TMEM260: variants seen among roughly 807,000 people sequenced by gnomAD.
TMEM260 encodes the protein transmembrane protein 260, also known as protein O-mannosyl-transferase TMEM260.
Under a neutral mutation model 88.9 loss-of-function variants are expected in TMEM260, and 82 were observed. That is an observed-to-expected ratio of 0.92 (90% CI 0.77 to 1.11). The LOEUF (loss-of-function observed/expected upper bound fraction) is 1.11, where lower values mean the gene tolerates loss of function less well. TMEM260 is among the 50% of genes least tolerant of loss of function. TMEM260 has a pLI of 0.00. For missense variants in TMEM260, 902 were observed against 853.4 expected (o/e 1.06, Z -0.71); for synonymous variants, 314 against 309.3 (o/e 1.02, Z -0.16).
the TMEM260 span, among the ~76,000 whole-genome samples, chr14:56,656,224 C>T: frequency 6.6e-6 from 1 of 152,020 alleles, no homozygotes; most frequent in African/African-American, 2.4e-5. Context: ...TGAGACCAGC[C>T]TGGGCAACAC....
intron 12 of TMEM260, among the ~76,000 whole-genome samples, chr14:56,628,762 G>A (rs1888394270): frequency 2.0e-5 from 3 of 151,816 alleles, no homozygotes; most frequent in Admixed American, 2.0e-4. Flanking sequence ...GCATATATTT[G>A]AGTCTTATTT....
intron 12 of TMEM260, among the ~76,000 whole-genome samples, chr14:56,631,781 C>T (rs1023201662): frequency 6.6e-6 from 1 of 152,198 alleles, no homozygotes; most frequent in Non-Finnish European, 1.5e-5. Context: ...ACTCATTCAA[C>T]TCCTGAGATC....
chr14:56,639,226 A>G (rs1011537071), intron 15 of TMEM260, among the ~76,000 whole-genome samples: 2 of 152,162 alleles, frequency 1.3e-5, no homozygotes, highest in African/African-American at 4.8e-5. Context: ...CTAGTATTTG[A>G]TAGCACAACA....
intron 15 of TMEM260, among the ~76,000 whole-genome samples, chr14:56,638,890 AACAC>A (rs1951513848): frequency 6.6e-6 from 1 of 152,230 alleles, no homozygotes; most frequent in African/African-American, 2.4e-5. Flanking sequence ...ATATCACAGC[AACAC>A]ATGTATATAG....
At chr14:56,641,520 A>G (rs772432707) in intron 15 of TMEM260, among the ~76,000 whole-genome samples, 5 of 152,244 alleles carry the variant, frequency 3.3e-5, no homozygotes, top group Non-Finnish European at 5.9e-5. Flanking sequence ...AAGAAGCACT[A>G]AACATGGAAA....
In TMEM260 at chr14:56,647,721, G is replaced by T; in HGVS notation, c.*224G>T. The T allele has an allele frequency of 2.0e-6, 1 of 506,694 alleles. No individual in the cohort carries two copies. Among genetic ancestry groups the T allele is most frequent in the Non-Finnish European group, 3.4e-6 (1 of 292,508 alleles). The allele number at this position is 506,694 out of a possible 1,614,324, so 31.4% of individuals were successfully genotyped here. A position where few individuals can be genotyped will look rare whatever the true frequency, so the allele number is the denominator to read the frequency against. On this transcript the variant is annotated 3_prime_UTR_variant, in exon 16 of 16. Transcript: ENST00000261556. ...CCCGTGTTACCAAATTACCATTTCA[G>T]TGAGAAGCTTTTGAAAAGTCTTCTG...
chr14:56,637,605 A>G (rs1240695798), intron 15 of TMEM260, among the ~76,000 whole-genome samples: 1 of 152,222 alleles, frequency 6.6e-6, no homozygotes, highest in East Asian at 1.9e-4. Flanking sequence ...CAATGAAAAC[A>G]GAGGGTAGGA....
chr14:56,600,785 G>A (rs1886527712), intron 3 of TMEM260, among the ~76,000 whole-genome samples: 2 of 152,148 alleles, frequency 1.3e-5, no homozygotes, highest in African/African-American at 4.8e-5. Context: ...AGGACACCAA[G>A]GCAAATTCCT....
intron 12 of TMEM260, among the ~76,000 whole-genome samples, chr14:56,631,179 A>C (rs191851832): frequency 6.6e-6 from 1 of 152,256 alleles, no homozygotes; most frequent in Non-Finnish European, 1.5e-5. Context: ...CAAGCAGGCG[A>C]CTTGACAGAC....
At chr14:56,622,311 C>T (rs1887977323) in intron 11 of TMEM260, among the ~76,000 whole-genome samples, 1 of 142,634 alleles carries the variant, frequency 7.0e-6, no homozygotes, top group Non-Finnish European at 1.5e-5. Flanking sequence ...TCACTGCACT[C>T]CAGCCTGGGC....
In TMEM260 at chr14:56,648,435, C is replaced by T. The variant is rs1056070757; in HGVS notation, c.*938C>T. 1 of 152,646 alleles carries T rather than the reference C, an allele frequency of 6.6e-6. No individual in the cohort carries two copies. Among genetic ancestry groups the T allele is most frequent in the African/African-American group, 2.4e-5 (1 of 41,456 alleles). 9.5% of individuals were successfully genotyped at this position (152,646 alleles called of 1,614,324 possible). ...ATGAATAAAGTCACTCAGAGTCCTT[C>T]AGCACTTCCTAAGTAGAGGCCAGAA... On this transcript the variant is annotated 3_prime_UTR_variant, in exon 16 of 16. Coordinates refer to ENST00000261556, the MANE Select transcript of TMEM260 (RefSeq NM_017799.4).
At chr14:56,611,765 A>G (rs1374057109) in intron 6 of TMEM260, among the ~76,000 whole-genome samples, 5 of 152,224 alleles carry the variant, frequency 3.3e-5, no homozygotes, top group African/African-American at 1.2e-4. Context: ...ACTATTCACA[A>G]TAGAAAAGAC....
intron 15 of TMEM260, 57 bp from the exon 16 acceptor site, chr14:56,647,186 G>GAA (rs34295946): frequency 3.4e-5 from 39 of 1,159,170 alleles, no homozygotes; most frequent in South Asian, 6.8e-5. Flanking sequence ...TTTTGTTTTT[G>GAA]AAAAAAAAAA....
At chr14:56,654,605 G>A (rs1268913568), downstream of TMEM260, among the ~76,000 whole-genome samples, 1 of 151,860 alleles carries the variant, frequency 6.6e-6, no homozygotes, top group Admixed American at 6.6e-5. Context: ...GATCACCTGA[G>A]GTCAGGAGTT....
chr14:56,602,868 A>G (rs113101522), intron 3 of TMEM260, among the ~76,000 whole-genome samples: 10 of 152,298 alleles, frequency 6.6e-5, no homozygotes, highest in African/African-American at 2.4e-4. Context: ...TTTTTATACA[A>G]AAGGATACAG....
At position 56,636,490 on chromosome 14, in the gene TMEM260, T is replaced by TCCTATC; in HGVS notation, c.1779-15_1779-10dup. The TCCTATC allele has an allele frequency of 6.2e-7, 1 of 1,610,072 alleles. No individual in the cohort carries two copies. Among genetic ancestry groups the TCCTATC allele is most frequent in the East Asian group, 2.2e-5 (1 of 44,856 alleles). ...TTGACTGTATGATTTTAATGAAGGTTCCTATCCCCACCCCCAGGATGAAAA... is the reference window on the plus strand; with the variant it reads ...TTGACTGTATGATTTTAATGAAGGTTCCTATCCCTATCCCCACCCCCAGGATGAAAA... On this transcript the variant is annotated splice_polypyrimidine_tract_variant and intron_variant, in intron 14 of 15. Transcript: ENST00000261556.
Position 56,647,481 on chromosome 14 carries a change from A to G in TMEM260, c.2108A>G (p.Asn703Ser). 1 of 1,599,498 alleles carries G rather than the reference A, an allele frequency of 6.3e-7. No homozygotes were observed. Among genetic ancestry groups the G allele is most frequent in the Non-Finnish European group, 8.5e-7 (1 of 1,175,896 alleles). ...HLRKELQSLR[N>S]RKNV is the part of the protein sequence containing the mutation. Reference sequence around the variant, plus strand: ...AGAAAAGAACTGCAAAGTCTGAGAAATAGGAAAAATGTCTGAGACAGCAAA... The same window carrying G: ...AGAAAAGAACTGCAAAGTCTGAGAAGTAGGAAAAATGTCTGAGACAGCAAA... The change falls in exon 16 of 16, where the codon AAT becomes AGT. Residue 703 changes from asparagine to serine, a missense_variant. By Grantham distance (46) the Asn-to-Ser change is conservative. Transcript: ENST00000261556.
At chr14:56,652,725 A>C (rs1890227964), downstream of TMEM260, among the ~76,000 whole-genome samples, 1 of 152,158 alleles carries the variant, frequency 6.6e-6, no homozygotes, top group South Asian at 2.1e-4. Context: ...CTGATAGAGA[A>C]TACTCGTACT....
At chr14:56,607,064 T>C (rs1886956972) in intron 5 of TMEM260, among the ~76,000 whole-genome samples, 1 of 152,204 alleles carries the variant, frequency 6.6e-6, no homozygotes, top group Non-Finnish European at 1.5e-5. Flanking sequence ...TTATAGTGTA[T>C]ATAGCAAGTT....
Sources: gnomAD v4.1 joint callset for allele counts (sites outside exome capture counted in the v4.1 genomes callset) on GRCh38, gnomAD v4.1.1 for gene constraint, MANE v1.5 for transcripts, NCBI Gene and HGNC (gene_info 2026-07-23, HGNC 2026-07-21) for gene names.